LUC7L3: variants seen among roughly 807,000 people sequenced by gnomAD.
LUC7L3 encodes the protein luc7-like protein 3.
LUC7L3 carries 6 observed loss-of-function variants against 66.8 expected under a neutral mutation model. That is an observed-to-expected ratio of 0.09 (90% CI 0.05 to 0.18). The LOEUF is 0.18. Among genes scored for constraint, LUC7L3 ranks in the 10% least tolerant of loss-of-function variants. The pLI, the probability that LUC7L3 is intolerant of heterozygous loss-of-function variation, is 1.00. For synonymous variants in LUC7L3, 160 were observed against 174.7 expected (o/e 0.92, Z 0.66); for missense variants, 341 against 531.1 (o/e 0.64, Z 3.52).
At chr17:50,740,803 ACCCACCTCGG>A (rs1970302541) in intron 3 of LUC7L3, among the ~76,000 whole-genome samples, 1 of 152,052 alleles carries the variant, frequency 6.6e-6, no homozygotes, top group African/African-American at 2.4e-5. Context: ...CAAGTGATCC[ACCCACCTCGG>A]CCTCCCAAAG....
chr17:50,751,002 TTTTA>T lies in LUC7L3; in HGVS notation c.*342_*345del. Reference sequence around the variant, plus strand: ...GATTTTGATGTCATTTCTTTTTTTTTTTTAATAAAAAGGTTGAACTGTTTTTTTT... The same window carrying T: ...GATTTTGATGTCATTTCTTTTTTTTTATAAAAAGGTTGAACTGTTTTTTTT... On this transcript the variant is annotated 3_prime_UTR_variant, in exon 10 of 10. Coordinates refer to ENST00000505658, the MANE Select transcript of LUC7L3 (RefSeq NM_016424.5). The T allele has an allele frequency of 6.9e-7, 1 of 1,452,906 alleles. No homozygotes were observed. Among genetic ancestry groups the T allele is most frequent in the East Asian group, 2.5e-5 (1 of 39,836 alleles). The allele number at this position is 1,452,906 out of a possible 1,614,324, so 90.0% of individuals were successfully genotyped here. A position where few individuals can be genotyped will look rare whatever the true frequency, so the allele number is the denominator to read the frequency against.
chr17:50,728,844 G>C lies in LUC7L3; in HGVS notation c.100-8116G>C, dbSNP rs80228613. Reference sequence around the variant, plus strand: ...GCTAGGATTGCAGGTGTGAGCCACTGCAGCTGGCTTGTGTTCCTTTTTTTT... The same window carrying C: ...GCTAGGATTGCAGGTGTGAGCCACTCCAGCTGGCTTGTGTTCCTTTTTTTT... On this transcript the variant is annotated intron_variant, in intron 1 of 9. Transcript: ENST00000505658. Among the ~76,000 whole-genome samples the C allele has an allele frequency of 0.013, 1,944 of 152,294 alleles. 109 individuals carry two copies. In the East Asian group the frequency reaches 0.19, roughly 15 times the overall value.
At position 50,743,703 on chromosome 17, in the gene LUC7L3, A is replaced by G; in HGVS notation, c.427-3A>G. ...AACTGTTTTTTTCCCCTACTCTTCT[A>G]AGATTGAAGAATTAGGGTCTGAAGG... On this transcript the variant is annotated splice_region_variant and splice_polypyrimidine_tract_variant and intron_variant, in intron 5 of 9. Coordinates refer to ENST00000505658, the MANE Select transcript of LUC7L3 (RefSeq NM_016424.5). The G allele has an allele frequency of 3.2e-6, 5 of 1,585,188 alleles. No individual in the cohort carries two copies. The highest frequency in any genetic ancestry group is 4.3e-6 in the Non-Finnish European group (5 of 1,155,636).
In LUC7L3 at chr17:50,753,037, A is replaced by C. The variant is rs1474662942; in HGVS notation, c.*2376A>C. 1.3e-5 allele frequency: 2 copies of C among 152,216 alleles called. No homozygotes were observed. Among genetic ancestry groups the C allele is most frequent in the African/African-American group, 2.4e-5 (1 of 41,454 alleles). The allele number at this position is 152,216 out of a possible 1,614,324, so 9.4% of individuals were successfully genotyped here. On this transcript the variant is annotated 3_prime_UTR_variant, in exon 10 of 10. Coordinates refer to ENST00000505658, the MANE Select transcript of LUC7L3 (RefSeq NM_016424.5). ...CTAGTTTTTGTTAAGTCCTGTATCAAGATTAACCCAGCTGTGTCAGTTTAT... is the reference window on the plus strand; with the variant it reads ...CTAGTTTTTGTTAAGTCCTGTATCACGATTAACCCAGCTGTGTCAGTTTAT...
intron 1 of LUC7L3, among the ~76,000 whole-genome samples, chr17:50,732,316 C>T (rs1212088960): frequency 6.6e-6 from 1 of 152,156 alleles, no homozygotes; most frequent in Non-Finnish European, 1.5e-5. Context: ...TACATACAGG[C>T]TAACACCTTT....
intron 9 of LUC7L3, chr17:50,749,454 T>TA (rs1421617373): frequency 1.0e-6 from 1 of 962,706 alleles, no homozygotes; most frequent in African/African-American, 1.7e-5. Context: ...ATGCAAGTGT[T>TA]ACGGACTAAA....
chr17:50,742,516 C>T (rs186315654), intron 5 of LUC7L3, among the ~76,000 whole-genome samples: 50 of 152,008 alleles, frequency 3.3e-4, no homozygotes, highest in African/African-American at 1.2e-3. Flanking sequence ...GCGCCACCAT[C>T]CCCGGCTGAT....
At position 50,745,790 on chromosome 17, in the gene LUC7L3, A is replaced by G. The variant is rs1437397467; in HGVS notation, c.764A>G (p.Glu255Gly). 6.2e-7 allele frequency: 1 copy of G among 1,600,904 alleles called. No homozygotes were observed. Among genetic ancestry groups the G allele is most frequent in the South Asian group, 1.1e-5 (1 of 88,354 alleles). ...CTAAAAAAGGAGAAGCAAGAAAGAG[A>G]AGAAAGAGAAAAAGAACGGGAGAGA... ...ERLKKEKQER[E>G]EREKERERER... Residue 255 changes from glutamate to glycine, a missense_variant, in exon 8 of 10, where the codon GAA (glutamate) becomes GGA (glycine). Physicochemically the swap from Glu to Gly is moderately conservative, Grantham distance 98 (BLOSUM62 -2). Around this residue, in one of 6 missense-constraint regions of LUC7L3, gnomAD observed 210 missense variants for 238.1 expected, o/e 0.88. Transcript: ENST00000505658.
At chr17:50,732,478 C>G (rs905187245) in intron 1 of LUC7L3, among the ~76,000 whole-genome samples, 1 of 152,140 alleles carries the variant, frequency 6.6e-6, no homozygotes, top group Non-Finnish European at 1.5e-5. Context: ...ACCTCCTGGG[C>G]TCCAACGACC....
rs761399046 is a variant in LUC7L3, at chr17:50,741,699, C to G, written c.394C>G (p.Leu132Val). 6.2e-7 allele frequency: 1 copy of G among 1,613,952 alleles called. No homozygotes were observed. Reference sequence around the variant, plus strand: ...CAAAAATGAAGAAAAAATTCAGGTTCTAACAGACAAAATTGATGTACTTCT... The same window carrying G: ...CAAAAATGAAGAAAAAATTCAGGTTGTAACAGACAAAATTGATGTACTTCT... ...TGKNEEKIQV[L>V]TDKIDVLLQQ... Residue 132 changes from leucine (L) to valine (V), a missense_variant, in exon 5 of 10, where the codon CTA becomes GTA. Around this residue, in one of 6 missense-constraint regions of LUC7L3, gnomAD observed 86 missense variants for 172.0 expected, o/e 0.50. Transcript: ENST00000505658.
chr17:50,742,631 T>C (rs905311008), intron 5 of LUC7L3, among the ~76,000 whole-genome samples: 1 of 152,190 alleles, frequency 6.6e-6, no homozygotes, highest in Non-Finnish European at 1.5e-5. Flanking sequence ...AGTGTTGAGA[T>C]TACAGGTGTA....
intron 1 of LUC7L3, chr17:50,723,801 T>A (rs933202419): frequency 4.4e-5 from 15 of 341,070 alleles, no homozygotes; most frequent in Non-Finnish European, 5.8e-5. Context: ...CACGCCCGGC[T>A]AATTTTTGTA....
intron 1 of LUC7L3, among the ~76,000 whole-genome samples, chr17:50,726,573 A>G (rs1048467392): frequency 1.3e-5 from 2 of 152,224 alleles, no homozygotes; most frequent in Non-Finnish European, 2.9e-5. Flanking sequence ...TCATGACAGT[A>G]CAAGAAGTTA....
rs571900869 is a variant in LUC7L3, at chr17:50,753,169, A to G, written c.*2508A>G. ...CTAGGAAAACCGGCAGCATGTTTCTATCTATAGCCAGCTTCTTCGACTGTA... is the reference window on the plus strand; with the variant it reads ...CTAGGAAAACCGGCAGCATGTTTCTGTCTATAGCCAGCTTCTTCGACTGTA... On this transcript the variant is annotated 3_prime_UTR_variant, in exon 10 of 10. Coordinates refer to ENST00000505658, the MANE Select transcript of LUC7L3 (RefSeq NM_016424.5). The G allele has an allele frequency of 3.9e-5, 6 of 152,546 alleles. No individual in the cohort carries two copies. The highest frequency in any genetic ancestry group is 1.3e-4 in the Admixed American group (2 of 15,296). The allele number at this position is 152,546 out of a possible 1,614,324, so 9.4% of individuals were successfully genotyped here.
chr17:50,727,660 G>A (rs1969282578), intron 1 of LUC7L3, among the ~76,000 whole-genome samples: 1 of 152,320 alleles, frequency 6.6e-6, no homozygotes, highest in Admixed American at 6.5e-5. Context: ...GCAGGAATTA[G>A]CCTGAGGGAG....
At chr17:50,721,278 A>G (rs558912015) in intron 1 of LUC7L3, among the ~76,000 whole-genome samples, 2 of 152,326 alleles carry the variant, frequency 1.3e-5, no homozygotes, top group Non-Finnish European at 2.9e-5. Context: ...TGCACTCCTT[A>G]TCAGTTGGAA....
intron 2 of LUC7L3, among the ~76,000 whole-genome samples, chr17:50,739,514 C>T (rs937105780): frequency 1.3e-5 from 2 of 152,130 alleles, no homozygotes; most frequent in Non-Finnish European, 1.5e-5. Flanking sequence ...ATTACGCAGG[C>T]ATGGTGGTGG....
chr17:50,735,087 G>C (rs1274512314), intron 1 of LUC7L3, among the ~76,000 whole-genome samples: 1 of 151,946 alleles, frequency 6.6e-6, no homozygotes, highest in African/African-American at 2.4e-5. Flanking sequence ...AAAATTGGCC[G>C]GGTGTGGTGG....
intron 1 of LUC7L3, among the ~76,000 whole-genome samples, chr17:50,720,640 A>G (rs1180600471): frequency 2.0e-5 from 3 of 152,236 alleles, no homozygotes; most frequent in Non-Finnish European, 4.4e-5. Context: ...TGTTTACTTT[A>G]GGTCTTATCT....
Sources: allele counts gnomAD v4.1 joint callset (sites outside exome capture counted in the v4.1 genomes callset), GRCh38; gene constraint gnomAD v4.1.1; regional missense constraint gnomAD v4.1.1; transcripts MANE v1.5; gene names NCBI Gene and HGNC (gene_info 2026-07-23, HGNC 2026-07-21).